FANCA: variants seen among roughly 807,000 people sequenced by gnomAD.
FANCA encodes Fanconi anemia group A protein.
A neutral mutation model predicts 194.3 loss-of-function variants in FANCA; 236 were observed. The ratio of observed to expected loss-of-function variants is 1.21; its 90% confidence interval spans 1.09 to 1.35. The LOEUF is 1.35. Among genes scored for constraint, FANCA ranks in the 40% most tolerant of loss-of-function variants. FANCA has a pLI of 0.00. For synonymous variants in FANCA, 1,014 were observed against 715.8 expected, an observed-to-expected ratio of 1.42 and a Z score of -6.65; for missense variants, 2,628 against 1,813.9, an observed-to-expected ratio of 1.45 and a Z score of -8.15.
At chr16:89,808,398 AAAAC>A (rs777182248) in intron 5 of FANCA, 31 bp from the exon 6 acceptor site, 2 of 1,606,612 alleles carry the variant, frequency 1.2e-6, no homozygotes, top group Non-Finnish European at 1.7e-6. Flanking sequence ...AACAAAAACA[AAAAC>A]AAAAAAACCC....
chr16:89,798,146 G>A (rs1300493875), intron 10 of FANCA, among the ~76,000 whole-genome samples: 2 of 152,100 alleles, frequency 1.3e-5, no homozygotes, highest in African/African-American at 2.4e-5. Flanking sequence ...ACACCAGAGG[G>A]CTTGCTCTCC....
rs769404619 is a variant in FANCA, at chr16:89,740,785, C to T, written c.3828+19G>A. 6.2e-7 allele frequency: 1 copy of T among 1,611,588 alleles called. No homozygotes were observed. The highest frequency in any genetic ancestry group is 1.7e-5 in the Admixed American group (1 of 59,892). ...CCCACAGTGGGAGAGGACACCTTGG[C>T]TGGTAAGGTCTGACTTACATTTGAG... On this transcript the variant is annotated intron_variant, in intron 38 of 42. Transcript: ENST00000389301.
At chr16:89,813,806 C>CTGTGTG (rs71137678) in intron 3 of FANCA, among the ~76,000 whole-genome samples, 4,688 of 149,484 alleles carry the variant, frequency 0.031, 146 homozygotes, top group African/African-American at 0.078. Context: ...AAGTCTTTTA[C>CTGTGTG]TGTGTGTGTG....
At chr16:89,751,321 A>G (rs921452971) in intron 31 of FANCA, among the ~76,000 whole-genome samples, 10 of 152,104 alleles carry the variant, frequency 6.6e-5, no homozygotes, top group Admixed American at 5.9e-4. Flanking sequence ...GCAACATGGC[A>G]AAACTCCGTC....
intron 17 of FANCA, among the ~76,000 whole-genome samples, chr16:89,782,527 T>G (rs1337626378): frequency 3.4e-5 from 5 of 148,026 alleles, no homozygotes; most frequent in Admixed American, 6.7e-5. Flanking sequence ...AAAAAAAAAG[T>G]TAACACTTTT....
At chr16:89,794,317 C>T (rs898563265) in intron 11 of FANCA, among the ~76,000 whole-genome samples, 2 of 151,998 alleles carry the variant, frequency 1.3e-5, no homozygotes, top group South Asian at 2.1e-4. Flanking sequence ...TTTGGGAGGC[C>T]GAAGTGGGTG....
At chr16:89,777,254 C>T (rs997820468) in intron 20 of FANCA, among the ~76,000 whole-genome samples, 5 of 151,900 alleles carry the variant, frequency 3.3e-5, no homozygotes, top group African/African-American at 4.8e-5. Context: ...TGGTGGAGCA[C>T]GCCTCTAGAC....
At chr16:89,756,309 A>C (rs549426438) in intron 30 of FANCA, among the ~76,000 whole-genome samples, 3 of 152,316 alleles carry the variant, frequency 2.0e-5, no homozygotes, top group South Asian at 4.1e-4. Flanking sequence ...CCACTATCAA[A>C]TAGCACTTAA....
Position 89,783,087 on chromosome 16 carries a change from G to A in FANCA, c.1486C>T (p.Pro496Ser). ...PRYLQVHILH[P>S]PLVPGKYRSL... is the part of the protein sequence containing the mutation. The stretch of plus-strand genomic sequence containing the variant: ...CGGTACTTGCCGGGAACCAGGGGTG[G>A]GTGGAGAATGTGCACCTGAGGATAG... The change falls in exon 16 of 43, where the codon CCA (proline) becomes TCA (serine). Residue 496 changes from proline (P) to serine (S), a missense_variant. Physicochemically the swap from Pro to Ser is moderately conservative, Grantham distance 74. Coordinates refer to ENST00000389301, the MANE Select transcript of FANCA (RefSeq NM_000135.4). 1 of 1,613,382 alleles carries A rather than the reference G, an allele frequency of 6.2e-7. No homozygotes were observed. Among genetic ancestry groups the A allele is most frequent in the Non-Finnish European group, 8.5e-7 (1 of 1,179,444 alleles).
intron 28 of FANCA, among the ~76,000 whole-genome samples, chr16:89,763,660 C>T (rs927195077): frequency 2.0e-5 from 3 of 151,658 alleles, no homozygotes; most frequent in South Asian, 4.2e-4. Flanking sequence ...TCCCAGGGGC[C>T]GAGCGCAGTG....
At chr16:89,814,099 A>T (rs1031779449) in intron 3 of FANCA, among the ~76,000 whole-genome samples, 64 of 152,202 alleles carry the variant, frequency 4.2e-4, no homozygotes, top group Non-Finnish European at 1.0e-4. Flanking sequence ...AAGGATCAGA[A>T]AATAACTTAC....
intron 22 of FANCA, among the ~76,000 whole-genome samples, chr16:89,772,462 C>A (rs546700269): frequency 6.6e-6 from 1 of 152,188 alleles, no homozygotes; most frequent in East Asian, 1.9e-4. Flanking sequence ...GCTGAGATCA[C>A]GCCACTGCAC....
intron 11 of FANCA, among the ~76,000 whole-genome samples, chr16:89,795,419 C>T (rs982499528): frequency 1.2e-4 from 18 of 152,068 alleles, no homozygotes; most frequent in African/African-American, 3.1e-4. Flanking sequence ...GGTGGAGCAC[C>T]GAAGGTCAGG....
At chr16:89,791,198 G>A (rs1316526727) in intron 14 of FANCA, 2 of 662,148 alleles carry the variant, frequency 3.0e-6, no homozygotes, top group Non-Finnish European at 5.3e-6. Context: ...CTCGGAACAT[G>A]CAGAGGAAGA....
At chr16:89,813,984 G>C (rs1436539848) in intron 3 of FANCA, among the ~76,000 whole-genome samples, 2 of 152,334 alleles carry the variant, frequency 1.3e-5, no homozygotes, top group African/African-American at 4.8e-5. Flanking sequence ...AATCATGGCA[G>C]TGAAAATCTG....
chr16:89,778,030 T>A (rs1316040224), intron 20 of FANCA, among the ~76,000 whole-genome samples: 1 of 151,530 alleles, frequency 6.6e-6, no homozygotes, highest in Non-Finnish European at 1.5e-5. Context: ...GGCGTGGTGG[T>A]GCGCGCCTGT....
At chr16:89,782,501 C>G (rs546504078) in intron 17 of FANCA, among the ~76,000 whole-genome samples, 1 of 150,320 alleles carries the variant, frequency 6.7e-6, no homozygotes, top group Non-Finnish European at 1.5e-5. Context: ...CAGACCAAGA[C>G]TGCATCTCCA....
At position 89,816,399 on chromosome 16, in the gene FANCA, G is replaced by T. The variant is rs78004870; in HGVS notation, c.79+138C>A. 257,182 of 663,174 alleles carry T rather than the reference G, an allele frequency of 0.39. 56,537 individuals are homozygous for T. The highest frequency in any genetic ancestry group is 0.97 in the East Asian group (25,675 of 26,468). The allele number at this position is 663,174 out of a possible 1,614,324, so 41.1% of individuals were successfully genotyped here. ...GGCAGCCGCGCCGCCCCAGCCGGGC[G>T]CCCACCCCGCACAGCCCCCCGGGCG... is the stretch of plus-strand genomic sequence containing the variant. On this transcript the variant is annotated intron_variant, in intron 1 of 42. Transcript: ENST00000389301.
At chr16:89,777,991 G>A (rs1022415277) in intron 20 of FANCA, among the ~76,000 whole-genome samples, 2 of 151,884 alleles carry the variant, frequency 1.3e-5, no homozygotes, top group African/African-American at 2.4e-5. Flanking sequence ...GTGAAACCCC[G>A]TCTCTACTAA....
Sources: allele counts gnomAD v4.1 joint callset (sites outside exome capture counted in the v4.1 genomes callset), GRCh38; gene constraint gnomAD v4.1.1; transcripts MANE v1.5; gene names NCBI Gene and HGNC (gene_info 2026-07-23, HGNC 2026-07-21).